RYR1: variants seen among roughly 807,000 people sequenced by gnomAD.
RYR1 encodes the protein ryanodine receptor 1, also known as central core disease of muscle.
A neutral mutation model predicts 583.5 loss-of-function variants in RYR1; 342 were observed. That is an observed-to-expected ratio of 0.59 (90% CI 0.54 to 0.64). The LOEUF is 0.64. Ranked by LOEUF, RYR1 falls within the 30% of genes least tolerant of loss-of-function variation. The pLI, the probability that RYR1 is intolerant of heterozygous loss-of-function variation, is 0.00. For missense variants in RYR1, 6,032 were observed against 6,917.2 expected (o/e 0.87, Z 4.54); for synonymous variants, 2,791 against 2,822.5 (o/e 0.99, Z 0.35).
At chr19:38,477,075 A>G (rs1270819385) in intron 29 of RYR1, among the ~76,000 whole-genome samples, 1 of 152,120 alleles carries the variant, frequency 6.6e-6, no homozygotes, top group East Asian at 1.9e-4. Context: ...AAAAAGAAGA[A>G]GAAGAAGGAA....
In RYR1 at chr19:38,510,481, A is replaced by G. The variant is rs371628220; in HGVS notation, c.8933-17A>G. The G allele has an allele frequency of 4.3e-6, 7 of 1,613,994 alleles. No homozygotes were observed. The East Asian group carries it at 6.7e-5, about 15-fold the overall frequency. On this transcript the variant is annotated splice_polypyrimidine_tract_variant and intron_variant, in intron 58 of 105. Coordinates refer to ENST00000359596, the MANE Select transcript of RYR1 (RefSeq NM_000540.3). ...CAGCCTTGAACCCACTGTGAACCCT[A>G]TTTGCCCTCCCTACAGAGGCTGTGG...
At chr19:38,473,900 T>C in intron 28 of RYR1, 129 bp downstream of exon 28, 1 of 683,298 alleles carries the variant, frequency 1.5e-6, no homozygotes, top group Non-Finnish European at 2.4e-6. Context: ...GGAGTAAGAA[T>C]ACCGAGAGAT....
At chr19:38,482,030 G>C (rs1210790496) in intron 31 of RYR1, among the ~76,000 whole-genome samples, 1 of 152,144 alleles carries the variant, frequency 6.6e-6, no homozygotes, top group East Asian at 1.9e-4. Flanking sequence ...GGAGTTTGCA[G>C]TGAGCCGAGA....
rs990937348 is a variant in RYR1 at position 38,526,283 on chromosome 19, C to A, written c.10627-710C>A. 2.0e-5 allele frequency among the ~76,000 whole-genome samples: 3 copies of A among 151,982 alleles called. No individual in the cohort carries two copies. In the South Asian group the frequency reaches 6.2e-4, roughly 32 times the overall value. ...CTCCCTCCTCTCCGATCCTTTCCAG[C>A]TTCAGGGACTCTAAGGAACCCTCCC... On this transcript the variant is annotated intron_variant, in intron 71 of 105. Transcript: ENST00000359596.
rs1971617118 is a variant in RYR1, at chr19:38,529,107, AC to A, written c.11141+55del. 4 of 1,578,138 alleles carry A rather than the reference AC, an allele frequency of 2.5e-6. No homozygotes were observed. In the East Asian group the frequency reaches 9.0e-5, roughly 35 times the overall value. ...GAAATGCCCCCAAGGTCCTGGGGCC[AC>A]CCCCAGCCCAGCAGCTTCCCTGTGC... On this transcript the variant is annotated intron_variant, in intron 76 of 105. Coordinates refer to ENST00000359596, the MANE Select transcript of RYR1 (RefSeq NM_000540.3).
chr19:38,448,671 A>T lies in RYR1; in HGVS notation c.980A>T (p.Lys327Met), dbSNP rs1568441003. ...TAGGAGAAGCTGGATGTGGCCCCCAAGCGGGATGTGGAGGGCATGGGCCCC... is the reference window on the plus strand; with the variant it reads ...TAGGAGAAGCTGGATGTGGCCCCCATGCGGGATGTGGAGGGCATGGGCCCC... ...ISKEKLDVAPKRDVEGMGPPE... is the reference protein window; with the variant it reads ...ISKEKLDVAPMRDVEGMGPPE... The change falls in exon 11 of 106, where the codon AAG becomes ATG. Residue 327 changes from lysine (K) to methionine (M), a missense_variant. Lys to Met is a moderately conservative substitution (Grantham distance 95). Transcript: ENST00000359596. 1.9e-6 allele frequency: 3 copies of T among 1,614,196 alleles called. No homozygotes were observed. The highest frequency in any genetic ancestry group is 2.5e-6 in the Non-Finnish European group (3 of 1,180,024).
chr19:38,584,751 C>T (rs1974391683), intron 101 of RYR1, among the ~76,000 whole-genome samples, 192 bp from the exon 102 acceptor site: 1 of 149,440 alleles, frequency 6.7e-6, no homozygotes, highest in South Asian at 2.2e-4. Flanking sequence ...CCTGCCCGTG[C>T]TGTTCCTGTC....
rs922385134 is a variant in RYR1 at position 38,444,230 on chromosome 19, T to A, written c.506T>A (p.Ile169Asn). 6.2e-7 allele frequency: 1 copy of A among 1,613,904 alleles called. No homozygotes were observed. Among genetic ancestry groups the A allele is most frequent in the African/African-American group, 1.3e-5 (1 of 74,874 alleles). ...AAGGTCCGCGTTGGGGATGACATCA[T>A]CCTTGTCAGTGTCTCCTCCGAGCGC... ...GEKVRVGDDI[I>N]LVSVSSERYL... is the part of the protein sequence containing the mutation. Residue 169 changes from isoleucine to asparagine, a missense_variant, in exon 6 of 106, where the codon ATC becomes AAC. Ile to Asn is a moderately radical substitution (Grantham distance 149, BLOSUM62 -3). Coordinates refer to ENST00000359596, the MANE Select transcript of RYR1 (RefSeq NM_000540.3). This position sits in a 1 kb window ranked among gnomAD's most constrained non-coding sequence, Gnocchi z 5.1.
At chr19:38,447,083 G>A (rs1972979445) in intron 9 of RYR1, among the ~76,000 whole-genome samples, 1 of 152,176 alleles carries the variant, frequency 6.6e-6, no homozygotes, top group South Asian at 2.1e-4. Context: ...AATTAGCCGG[G>A]TGTGGTGGTG....
At chr19:38,458,023 C>T (rs1403183592) in intron 17 of RYR1, 28 bp from the exon 18 acceptor site, 1 of 1,611,592 alleles carries the variant, frequency 6.2e-7, no homozygotes, top group South Asian at 1.1e-5. Flanking sequence ...CTCCGTCATC[C>T]CCCTCTCCTG....
chr19:38,572,412 C>A, intron 95 of RYR1, 142 bp downstream of exon 95: 2 of 1,038,040 alleles, frequency 1.9e-6, no homozygotes, highest in Non-Finnish European at 2.8e-6. Context: ...GGCTGGGGAA[C>A]TGGGTACAGG....
rs193922766 is a variant in RYR1 at position 38,451,843 on chromosome 19, G to A, written c.1202G>A (p.Arg401His). 1.2e-6 allele frequency: 2 copies of A among 1,614,056 alleles called. No homozygotes were observed. The highest frequency in any genetic ancestry group is 1.3e-5 in the African/African-American group (1 of 75,014). ...CAGCAGGAGGAGTCCCAGGCCGCCC[G>A]CATGATCCACAGCACCAATGGCCTA... ...RCQQEESQAA[R>H]MIHSTNGLYN... The change falls in exon 12 of 106, where the codon CGC becomes CAC. Residue 401 changes from arginine (R) to histidine (H), a missense_variant. Transcript: ENST00000359596.
Position 38,444,426 on chromosome 19 carries a change from A to G in RYR1, c.538-158A>G, listed in dbSNP as rs1972839899. On this transcript the variant is annotated intron_variant, in intron 6 of 105. Transcript: ENST00000359596. This position sits in a 1 kb window ranked among gnomAD's most constrained non-coding sequence, Gnocchi z 5.1. ...CCAATTTTCTGATTTCTGACCTCCC[A>G]TTGCCCGACTTGATCATTTCCTGAT... 6.6e-6 allele frequency among the ~76,000 whole-genome samples: 1 copy of G among 151,822 alleles called. No individual in the cohort carries two copies. The highest frequency in any genetic ancestry group is 1.5e-5 in the Non-Finnish European group (1 of 67,946).
chr19:38,572,038 G>A lies in RYR1; in HGVS notation c.13766G>A (p.Gly4589Glu), dbSNP rs561047656. Residue 4589 changes from glycine to glutamate, a missense_variant, in exon 95 of 106, where the codon GGG becomes GAG. By Grantham distance (98) the Gly-to-Glu change is moderately conservative. Around this residue, in one of 11 missense-constraint regions of RYR1, gnomAD observed 35 missense variants for 66.0 expected, o/e 0.53. Coordinates refer to ENST00000359596, the MANE Select transcript of RYR1 (RefSeq NM_000540.3). Reference sequence around the variant, plus strand: ...TTTCAGGTCTCAGACTCTCCACCAGGGGAGGACGACATGGAAGGCTCAGCT... The same window carrying A: ...TTTCAGGTCTCAGACTCTCCACCAGAGGAGGACGACATGGAAGGCTCAGCT... ...LFYKVSDSPP[G>E]EDDMEGSAAG... 2 of 1,614,040 alleles carry A rather than the reference G, an allele frequency of 1.2e-6. No homozygotes were observed. Among genetic ancestry groups the A allele is most frequent in the Admixed American group, 3.3e-5 (2 of 60,004 alleles).
At chr19:38,450,751 C>A (rs1967030291) in intron 11 of RYR1, among the ~76,000 whole-genome samples, 1 of 56,122 alleles carries the variant, frequency 1.8e-5, no homozygotes, top group African/African-American at 8.6e-5. Context: ...GTTGCCCATT[C>A]CTTTTCTGTA....
intron 5 of RYR1, 25 bp downstream of exon 5, chr19:38,443,821 G>T (rs1225580715): frequency 1.2e-6 from 2 of 1,611,642 alleles, no homozygotes; most frequent in Non-Finnish European, 1.7e-6. Context: ...GGGGATGGGG[G>T]TGTGAAGGGG....
chr19:38,460,413 A>G lies in RYR1; in HGVS notation c.2399A>G (p.Lys800Arg), dbSNP rs745571195. Residue 800 changes from lysine (K) to arginine (R), a missense_variant, in exon 20 of 106, where the codon AAG (lysine) becomes AGG (arginine). Transcript: ENST00000359596. ...CTTGGTGGCCGCCATGGTGAATTCA[A>G]GTTCCTGCCCCCACCTGGCTATGCT... is the stretch of plus-strand genomic sequence containing the variant. ...FLLGGRHGEF[K>R]FLPPPGYAPC... 9 of 1,613,956 alleles carry G rather than the reference A, an allele frequency of 5.6e-6. No individual in the cohort carries two copies. The highest frequency in any genetic ancestry group is 4.2e-6 in the Non-Finnish European group (5 of 1,180,008).
intron 104 of RYR1, 125 bp from the exon 105 acceptor site, chr19:38,586,400 T>C (rs1444012964): frequency 8.7e-7 from 1 of 1,147,892 alleles, no homozygotes; most frequent in East Asian, 2.4e-5. Context: ...TGGGGAGGAT[T>C]ACTTGAGGCC....
Position 38,536,089 on chromosome 19 carries a change from C to T in RYR1, c.11590+19C>T. 6.2e-7 allele frequency: 1 copy of T among 1,602,954 alleles called. No individual in the cohort carries two copies. The highest frequency in any genetic ancestry group is 8.5e-7 in the Non-Finnish European group (1 of 1,176,294). On this transcript the variant is annotated intron_variant, in intron 82 of 105. Coordinates refer to ENST00000359596, the MANE Select transcript of RYR1 (RefSeq NM_000540.3). The stretch of plus-strand genomic sequence containing the variant: ...GGCACTGGTGAGGCCCTCCCTTGGG[C>T]TTCCCACCCCCTGAGACATCTTCCT...
Sources: gnomAD v4.1 joint callset for allele counts (sites outside exome capture counted in the v4.1 genomes callset) on GRCh38, gnomAD v4.1.1 for gene constraint, gnomAD v4.1.1 regional missense constraint, Gnocchi (gnomAD v3.1) non-coding constraint, MANE v1.5 for transcripts, NCBI Gene and HGNC (gene_info 2026-07-23, HGNC 2026-07-21) for gene names.